The following CEP128 variants were observed in gnomAD, a reference collection of about 807,000 sequenced individuals.
The protein encoded by CEP128 is centrosomal protein 128, also known as centrosomal protein 128kDa.
In CEP128, 132 loss-of-function variants were observed where a neutral mutation model predicts 156.7. The ratio of observed to expected loss-of-function variants is 0.84; its 90% CI spans 0.73 to 0.97. The LOEUF (loss-of-function observed/expected upper bound fraction) is 0.97. Among genes scored for constraint, CEP128 ranks in the 50% least tolerant of loss-of-function variants. The pLI, the probability that CEP128 is intolerant of heterozygous loss-of-function variation, is 0.00. For synonymous variants in CEP128, 469 were observed against 448.9 expected (o/e 1.04, Z -0.57); for missense variants, 1,252 against 1,281.9 (o/e 0.98, Z 0.36).
At chr14:80,956,766 T>C (rs1886717100) in intron 2 of CEP128, among the ~76,000 whole-genome samples, 1 of 152,188 alleles carries the variant, frequency 6.6e-6, no homozygotes, top group Admixed American at 6.5e-5. Context: ...CTCAAGAATT[T>C]AGCTCATGAA....
chr14:80,858,715 C>A (rs1305774374), intron 9 of CEP128, among the ~76,000 whole-genome samples: 1 of 151,448 alleles, frequency 6.6e-6, no homozygotes, highest in Non-Finnish European at 1.5e-5. Flanking sequence ...AAACAAACAA[C>A]CCCATCAAAA....
chr14:80,869,524 A>G (rs1439766131), intron 8 of CEP128, among the ~76,000 whole-genome samples: 1 of 152,032 alleles, frequency 6.6e-6, no homozygotes, highest in African/African-American at 2.4e-5. Context: ...TAACCTAACT[A>G]TACCTCAAGA....
intron 2 of CEP128, among the ~76,000 whole-genome samples, chr14:80,917,621 C>G (rs1013475109): frequency 6.6e-6 from 1 of 152,122 alleles, no homozygotes; most frequent in Non-Finnish European, 1.5e-5. Context: ...TCACTGCAAC[C>G]TCCGCCTCCC....
At chr14:80,872,435 T>C (rs1888073923) in intron 8 of CEP128, among the ~76,000 whole-genome samples, 1 of 152,204 alleles carries the variant, frequency 6.6e-6, no homozygotes, top group African/African-American at 2.4e-5. Flanking sequence ...CCACAACTTT[T>C]TGTCTCTCAA....
At chr14:80,941,021 TGCA>T (rs1270994612) in intron 1 of CEP128, among the ~76,000 whole-genome samples, 5 of 152,188 alleles carry the variant, frequency 3.3e-5, no homozygotes, top group Non-Finnish European at 1.5e-5. Context: ...CAATAAAAGA[TGCA>T]GCTGGGATTC....
chr14:80,681,543 G>C (rs1474138101), intron 19 of CEP128, among the ~76,000 whole-genome samples: 1 of 152,232 alleles, frequency 6.6e-6, no homozygotes, highest in Non-Finnish European at 1.5e-5. Flanking sequence ...GAGGGAGCAG[G>C]TGGGAGGTAA....
chr14:80,552,768 A>C (rs1278380608), intron 21 of CEP128, among the ~76,000 whole-genome samples: 1 of 152,068 alleles, frequency 6.6e-6, no homozygotes, highest in Non-Finnish European at 1.5e-5. Context: ...CCTTTTTCTA[A>C]TTGCTTTTTA....
chr14:80,811,032 T>C (rs942875991), intron 13 of CEP128, among the ~76,000 whole-genome samples: 1 of 152,158 alleles, frequency 6.6e-6, no homozygotes, highest in African/African-American at 2.4e-5. Context: ...AGTGAGAATG[T>C]GCGGTGTTTG....
chr14:80,669,408 A>G (rs1313898033), intron 19 of CEP128, among the ~76,000 whole-genome samples: 1 of 152,212 alleles, frequency 6.6e-6, no homozygotes, highest in Non-Finnish European at 1.5e-5. Flanking sequence ...CCTGTAAACT[A>G]TGCATCTGAC....
At chr14:80,712,919 G>A (rs1897465587) in intron 19 of CEP128, among the ~76,000 whole-genome samples, 1 of 152,088 alleles carries the variant, frequency 6.6e-6, no homozygotes, top group Admixed American at 6.6e-5. Flanking sequence ...AATGCCATAA[G>A]CCAACTAACT....
chr14:80,501,753 C>G (rs1887746261), intron 24 of CEP128, among the ~76,000 whole-genome samples: 1 of 151,942 alleles, frequency 6.6e-6, no homozygotes, highest in Non-Finnish European at 1.5e-5. Flanking sequence ...ATCCGCCCAC[C>G]TCGGCCTCCC....
intron 9 of CEP128, among the ~76,000 whole-genome samples, chr14:80,850,760 T>C (rs1298081845): frequency 1.3e-5 from 2 of 152,208 alleles, no homozygotes; most frequent in Non-Finnish European, 2.9e-5. Flanking sequence ...TTAGAATGCA[T>C]GTATCTGGGC....
intron 16 of CEP128, among the ~76,000 whole-genome samples, chr14:80,777,391 C>T (rs1390700918): frequency 1.3e-5 from 2 of 152,212 alleles, no homozygotes; most frequent in African/African-American, 4.8e-5. Flanking sequence ...TCACCAGACA[C>T]TGATTCTGCC....
At chr14:80,803,868 T>C (rs181003915) in intron 13 of CEP128, among the ~76,000 whole-genome samples, 20 of 152,270 alleles carry the variant, frequency 1.3e-4, no homozygotes, top group Admixed American at 1.0e-3. Context: ...TTTTATGATA[T>C]CTGAGAAAAC....
intron 13 of CEP128, among the ~76,000 whole-genome samples, chr14:80,805,532 G>A (rs754963470): frequency 2.6e-5 from 4 of 151,956 alleles, no homozygotes; most frequent in Non-Finnish European, 5.9e-5. Flanking sequence ...ATAAAGTTTT[G>A]CTTTTATTGA....
intron 21 of CEP128, among the ~76,000 whole-genome samples, chr14:80,552,086 G>A (rs1019471950): frequency 2.0e-5 from 3 of 152,072 alleles, no homozygotes; most frequent in African/African-American, 7.2e-5. Context: ...TGAAAGGTAA[G>A]ATGTCATTTC....
At chr14:80,594,183 T>A (rs146118134) in intron 19 of CEP128, among the ~76,000 whole-genome samples, 2 of 151,960 alleles carry the variant, frequency 1.3e-5, no homozygotes, top group African/African-American at 2.4e-5. Context: ...CTACAACCAT[T>A]TCACCTTTGA....
chr14:80,701,839 C>T (rs1455021239), intron 19 of CEP128, among the ~76,000 whole-genome samples: 1 of 152,168 alleles, frequency 6.6e-6, no homozygotes, highest in Non-Finnish European at 1.5e-5. Context: ...GCCACACTGG[C>T]TTCCTTGTGG....
intron 21 of CEP128, among the ~76,000 whole-genome samples, chr14:80,550,257 A>G (rs1427587542): frequency 2.0e-5 from 3 of 152,206 alleles, no homozygotes; most frequent in Non-Finnish European, 4.4e-5. Context: ...AGCTGATTAA[A>G]TGCCGACTAA....
Sources: allele counts gnomAD v4.1 joint callset (sites outside exome capture counted in the v4.1 genomes callset), GRCh38; gene constraint gnomAD v4.1.1; transcripts MANE v1.5; gene names NCBI Gene and HGNC (gene_info 2026-07-23, HGNC 2026-07-21).